Variants in SH3PXD2A observed in about 807,000 individuals in gnomAD.
The protein encoded by SH3PXD2A is SH3 and PX domains 2A.
In SH3PXD2A, 32 loss-of-function variants were observed where a neutral mutation model predicts 115.2. That is an observed-to-expected ratio of 0.28 (90% confidence interval 0.21 to 0.37). The LOEUF is 0.37. SH3PXD2A is among the 10% of genes least tolerant of loss of function. The pLI is 1.00. For synonymous variants in SH3PXD2A, 610 were observed against 629.1 expected (o/e 0.97, Z 0.45); for missense variants, 1,328 against 1,498.7 (o/e 0.89, Z 1.88).
At chr10:103,668,558 C>A in intron 7 of SH3PXD2A, 50 bp downstream of exon 7, 1 of 1,498,896 alleles carries the variant, frequency 6.7e-7, no homozygotes, top group South Asian at 1.2e-5. Context: ...CCCGCGCACA[C>A]GGACCTGGAA....
intron 4 of SH3PXD2A, among the ~76,000 whole-genome samples, chr10:103,724,751 T>A (rs1418267833): frequency 6.8e-6 from 1 of 148,052 alleles, no homozygotes; most frequent in Non-Finnish European, 1.5e-5. Flanking sequence ...CAACCAACCA[T>A]CCAACCAGCC....
intron 2 of SH3PXD2A, among the ~76,000 whole-genome samples, chr10:103,777,896 G>A (rs1205635036): frequency 6.6e-6 from 1 of 152,160 alleles, no homozygotes; most frequent in African/African-American, 2.4e-5. Context: ...CACGTGTTGT[G>A]AGGATCCAAG....
In SH3PXD2A at chr10:103,771,771, A is replaced by G. The variant is rs953362676; in HGVS notation, c.154-4602T>C. On this transcript the variant is annotated intron_variant, in intron 2 of 14. Transcript: ENST00000369774. ...CACACACACACACACACACACACAC[A>G]CACACACACAGACACACACATACCC... Among the ~76,000 whole-genome samples the G allele has an allele frequency of 5.9e-5, 9 of 151,930 alleles. No homozygotes were observed. The East Asian group carries it at 1.7e-3, about 29-fold the overall frequency.
chr10:103,846,359 G>A, intron 1 of SH3PXD2A, among the ~76,000 whole-genome samples: 1 of 152,212 alleles, frequency 6.6e-6, no homozygotes, highest in East Asian at 1.9e-4. Context: ...AAAAATGATT[G>A]GTTTGGAAAG....
At chr10:103,822,992 C>T (rs914116808) in intron 1 of SH3PXD2A, among the ~76,000 whole-genome samples, 7 of 152,128 alleles carry the variant, frequency 4.6e-5, no homozygotes, top group South Asian at 4.1e-4. Flanking sequence ...TCTCAGACTT[C>T]GTGGGAGGGA....
At chr10:103,650,575 C>T (rs559903718) in intron 8 of SH3PXD2A, among the ~76,000 whole-genome samples, 90 of 152,348 alleles carry the variant, frequency 5.9e-4, no homozygotes, top group Middle Eastern at 3.4e-3. Context: ...GTTCACTCTG[C>T]TTGGAGCACC....
At chr10:103,720,712 T>C (rs773906535) in intron 5 of SH3PXD2A, among the ~76,000 whole-genome samples, 1 of 151,958 alleles carries the variant, frequency 6.6e-6, no homozygotes, top group Non-Finnish European at 1.5e-5. Flanking sequence ...GGAAGGGAGG[T>C]GCACAGTCGC....
intron 7 of SH3PXD2A, among the ~76,000 whole-genome samples, chr10:103,663,880 G>C (rs2037347625): frequency 6.6e-6 from 1 of 152,272 alleles, no homozygotes. Flanking sequence ...CTGCACAGCT[G>C]AGTGTGCCAC....
chr10:103,651,083 G>A (rs1293531386), intron 8 of SH3PXD2A, among the ~76,000 whole-genome samples: 1 of 152,200 alleles, frequency 6.6e-6, no homozygotes, highest in Non-Finnish European at 1.5e-5. Flanking sequence ...GAGAGAGGGT[G>A]GCAGGTGGCA....
chr10:103,702,039 C>T (rs1340599682), intron 5 of SH3PXD2A, among the ~76,000 whole-genome samples: 1 of 144,840 alleles, frequency 6.9e-6, no homozygotes, highest in Non-Finnish European at 1.5e-5. Flanking sequence ...CACCATCCAT[C>T]ATCCATCTAT....
intron 8 of SH3PXD2A, among the ~76,000 whole-genome samples, chr10:103,630,760 A>G (rs2036767387): frequency 6.6e-6 from 1 of 151,330 alleles, no homozygotes; most frequent in African/African-American, 2.4e-5. Flanking sequence ...AAAAAAAAAA[A>G]AAAAAGGAAA....
intron 2 of SH3PXD2A, among the ~76,000 whole-genome samples, chr10:103,769,056 C>A (rs144006121): frequency 2.1e-3 from 319 of 151,898 alleles, no homozygotes; most frequent in African/African-American, 7.3e-3. Context: ...GGCCCACCTC[C>A]GACACCAGGT....
chr10:103,622,641 G>A, intron 9 of SH3PXD2A, 88 bp from the exon 10 acceptor site: 1 of 771,918 alleles, frequency 1.3e-6, no homozygotes, highest in Non-Finnish European at 2.2e-6. Context: ...GGGGGTGGGA[G>A]GAAGGGGCAC....
intron 1 of SH3PXD2A, among the ~76,000 whole-genome samples, chr10:103,815,401 T>C (rs1330865755): frequency 6.7e-6 from 1 of 149,152 alleles, no homozygotes; most frequent in Non-Finnish European, 1.5e-5. Context: ...GTATATATTA[T>C]ACACTATATG....
At chr10:103,843,977 C>T (rs939136183) in intron 1 of SH3PXD2A, among the ~76,000 whole-genome samples, 9 of 152,356 alleles carry the variant, frequency 5.9e-5, no homozygotes, top group Admixed American at 3.3e-4. Context: ...GACATCCCCA[C>T]TTCCCCTGCC....
Position 103,762,480 on chromosome 10 carries a change from C to CT in SH3PXD2A, c.229+4613dup, listed in dbSNP as rs148810470. On this transcript the variant is annotated intron_variant, in intron 3 of 14. Transcript: ENST00000369774. Reference sequence around the variant, plus strand: ...TAATACGGGGTTTGGAGGCATAGGCCTGGGGGGGCTCCCTTTCCTTCCCTC... The same window carrying CT: ...TAATACGGGGTTTGGAGGCATAGGCCTTGGGGGGGCTCCCTTTCCTTCCCTC... Among the ~76,000 whole-genome samples the CT allele has an allele frequency of 5.5e-3, 833 of 152,290 alleles. 13 individuals are homozygous for CT. Among genetic ancestry groups the CT allele is most frequent in the African/African-American group, 0.019 (782 of 41,566 alleles).
intron 5 of SH3PXD2A, among the ~76,000 whole-genome samples, chr10:103,705,858 G>A (rs1304625553): frequency 6.6e-6 from 1 of 152,158 alleles, no homozygotes; most frequent in East Asian, 1.9e-4. Context: ...TTAGCTGGGT[G>A]TGGTGGTGTG....
intron 3 of SH3PXD2A, among the ~76,000 whole-genome samples, chr10:103,764,451 G>C (rs1446678388): frequency 1.3e-5 from 2 of 151,266 alleles, no homozygotes. Flanking sequence ...GGAAAAAGAA[G>C]GGCACAGGGT....
At chr10:103,789,233 C>T (rs893964514) in intron 2 of SH3PXD2A, among the ~76,000 whole-genome samples, 1 of 152,240 alleles carries the variant, frequency 6.6e-6, no homozygotes, top group South Asian at 2.1e-4. Context: ...TCGAAGCTGC[C>T]CCCACAAGCC....
Sources: gnomAD v4.1 joint callset for allele counts (sites outside exome capture counted in the v4.1 genomes callset) on GRCh38, gnomAD v4.1.1 for gene constraint, MANE v1.5 for transcripts, NCBI Gene and HGNC (gene_info 2026-07-23, HGNC 2026-07-21) for gene names.